The following MYRIP variants were observed in gnomAD, a reference collection of about 807,000 sequenced individuals.
The protein encoded by MYRIP is rab effector MyRIP.
MYRIP carries 49 observed loss-of-function variants against 98.0 expected under a neutral mutation model. The observed-to-expected ratio is 0.50, with a 90% CI of 0.40 to 0.63. The LOEUF (loss-of-function observed/expected upper bound fraction) is 0.63. MYRIP is among the 30% of genes least tolerant of loss of function. The pLI is 0.00. For synonymous variants in MYRIP, 404 were observed against 409.5 expected (o/e 0.99, Z 0.16); for missense variants, 1,004 against 1,058.2 (o/e 0.95, Z 0.71).
At chr3:40,166,703 G>A in intron 5 of MYRIP, 143 bp from the exon 6 acceptor site, 1 of 607,042 alleles carries the variant, frequency 1.6e-6, no homozygotes, top group Non-Finnish European at 2.9e-6. Context: ...GAGGCAGGTG[G>A]GAAGGGCGAG....
At chr3:40,197,245 C>A (rs1031286088) in intron 10 of MYRIP, among the ~76,000 whole-genome samples, 1 of 152,144 alleles carries the variant, frequency 6.6e-6, no homozygotes, top group Non-Finnish European at 1.5e-5. Context: ...TCGCGCTACT[C>A]TGAGAATCTA....
At chr3:39,906,379 C>G (rs967710487) in intron 2 of MYRIP, among the ~76,000 whole-genome samples, 2 of 152,108 alleles carry the variant, frequency 1.3e-5, no homozygotes, top group African/African-American at 4.8e-5. Context: ...GAGAACATAT[C>G]TTTTCATGAA....
intron 2 of MYRIP, among the ~76,000 whole-genome samples, chr3:39,921,501 C>G (rs1357286975): frequency 6.6e-6 from 1 of 152,174 alleles, no homozygotes; most frequent in Non-Finnish European, 1.5e-5. Flanking sequence ...ATCTTGAAAA[C>G]TGAGAGATGA....
intron 3 of MYRIP, among the ~76,000 whole-genome samples, chr3:40,054,028 C>G (rs1947838987): frequency 6.6e-6 from 1 of 152,258 alleles, no homozygotes; most frequent in South Asian, 2.1e-4. Context: ...TTTTGTCACT[C>G]TGGCTGCCTT....
At chr3:40,120,974 C>G (rs936917956) in intron 3 of MYRIP, among the ~76,000 whole-genome samples, 1 of 152,028 alleles carries the variant, frequency 6.6e-6, no homozygotes, top group Non-Finnish European at 1.5e-5. Flanking sequence ...GAATATGAGT[C>G]GAGCTCACTG....
At chr3:39,862,669 A>G (rs530266240) in intron 1 of MYRIP, among the ~76,000 whole-genome samples, 1 of 152,324 alleles carries the variant, frequency 6.6e-6, no homozygotes, top group African/African-American at 2.4e-5. Context: ...ACCTACAAAG[A>G]GACTTAATCA....
intron 2 of MYRIP, among the ~76,000 whole-genome samples, chr3:39,999,837 T>C (rs933702483): frequency 6.6e-6 from 1 of 152,078 alleles, no homozygotes; most frequent in African/African-American, 2.4e-5. Context: ...CATGGAATAC[T>C]ATGCAGCCAT....
intron 2 of MYRIP, among the ~76,000 whole-genome samples, chr3:40,020,202 T>G (rs887191229): frequency 1.3e-5 from 2 of 152,178 alleles, no homozygotes; most frequent in Admixed American, 6.5e-5. Context: ...TCAGGTGTGC[T>G]CAATGTTTAC....
At chr3:40,010,206 C>A (rs1267669523) in intron 2 of MYRIP, among the ~76,000 whole-genome samples, 2 of 152,196 alleles carry the variant, frequency 1.3e-5, no homozygotes, top group Non-Finnish European at 1.5e-5. Flanking sequence ...AAGCACAAAG[C>A]CAGCAGATTT....
chr3:39,984,193 G>GTTTATTTTATTTTAT (rs71288070), intron 2 of MYRIP, among the ~76,000 whole-genome samples: 8,515 of 145,586 alleles, frequency 0.058, 338 homozygotes, highest in African/African-American at 0.11. Flanking sequence ...TGTAAGGAAA[G>GTTTATTTTATTTTAT]TTTATTTTAT....
intron 3 of MYRIP, 53 bp downstream of exon 3, chr3:40,044,324 C>A: frequency 6.5e-7 from 1 of 1,530,854 alleles, no homozygotes; most frequent in Non-Finnish European, 9.0e-7. Flanking sequence ...GAGAGATTCA[C>A]CTGCCACTTC....
chr3:40,203,373 T>G (rs1016515286), intron 10 of MYRIP, among the ~76,000 whole-genome samples: 2 of 151,988 alleles, frequency 1.3e-5, no homozygotes, highest in African/African-American at 4.8e-5. Flanking sequence ...GGCACCACCC[T>G]AAATATAAAT....
chr3:39,859,169 G>A (rs112137050), intron 1 of MYRIP, among the ~76,000 whole-genome samples: 103 of 149,588 alleles, frequency 6.9e-4, no homozygotes, highest in African/African-American at 2.3e-3. Flanking sequence ...GAGAGGACTT[G>A]AGTAAATAAA....
intron 2 of MYRIP, among the ~76,000 whole-genome samples, chr3:39,911,268 T>C (rs906029632): frequency 1.4e-5 from 2 of 145,440 alleles, no homozygotes; most frequent in African/African-American, 5.2e-5. Context: ...GAGTTTGATG[T>C]TACAAGTGTG....
chr3:40,226,619 T>C (rs750895308), intron 11 of MYRIP, among the ~76,000 whole-genome samples: 3 of 152,188 alleles, frequency 2.0e-5, no homozygotes, highest in Non-Finnish European at 4.4e-5. Context: ...CAGACCCTAA[T>C]ACAAATCCCG....
At chr3:40,166,017 A>C (rs1950492790) in intron 5 of MYRIP, among the ~76,000 whole-genome samples, 1 of 152,164 alleles carries the variant, frequency 6.6e-6, no homozygotes, top group African/African-American at 2.4e-5. Flanking sequence ...AATAGTACCT[A>C]TATGGCACCT....
chr3:39,835,917 A>G (rs1941604868), intron 1 of MYRIP, among the ~76,000 whole-genome samples: 1 of 152,218 alleles, frequency 6.6e-6, no homozygotes, highest in African/African-American at 2.4e-5. Flanking sequence ...TGCAAAGGAC[A>G]TGAACTCATT....
chr3:40,064,373 G>T (rs1369945296), intron 3 of MYRIP, among the ~76,000 whole-genome samples: 1 of 152,044 alleles, frequency 6.6e-6, no homozygotes, highest in Non-Finnish European at 1.5e-5. Context: ...AAAAAACCTT[G>T]CTCTCTTTAT....
At chr3:40,139,469 C>G (rs1276214921) in intron 3 of MYRIP, among the ~76,000 whole-genome samples, 3 of 152,268 alleles carry the variant, frequency 2.0e-5, no homozygotes, top group African/African-American at 7.2e-5. Flanking sequence ...ATTAATTTTC[C>G]TTCTTTTAAA....
Sources: allele counts gnomAD v4.1 joint callset (sites outside exome capture counted in the v4.1 genomes callset), GRCh38; gene constraint gnomAD v4.1.1; transcripts MANE v1.5; gene names NCBI Gene and HGNC (gene_info 2026-07-23, HGNC 2026-07-21).